LDLRAD4: variants seen among roughly 807,000 people sequenced by gnomAD.
LDLRAD4 encodes low density lipoprotein receptor class A domain containing 4.
A neutral mutation model predicts 17.0 loss-of-function variants in LDLRAD4; 5 were observed. The ratio of observed to expected loss-of-function variants is 0.29; its 90% confidence interval spans 0.15 to 0.62. The LOEUF (loss-of-function observed/expected upper bound fraction) is 0.62, where lower values mean the gene tolerates loss of function less well. Among genes scored for constraint, LDLRAD4 ranks in the 20% least tolerant of loss-of-function variants. The pLI is 0.84. For synonymous variants in LDLRAD4, 168 were observed against 171.8 expected (o/e 0.98, Z 0.17); for missense variants, 340 against 424.7 (o/e 0.80, Z 1.75).
intron 1 of LDLRAD4, among the ~76,000 whole-genome samples, chr18:13,247,953 C>CTG (rs1270593356): frequency 1.5e-5 from 1 of 67,714 alleles, no homozygotes; most frequent in Non-Finnish European, 3.2e-5. Flanking sequence ...ACAGCGCCGC[C>CTG]CCCCGCCTTT....
intron 3 of LDLRAD4, among the ~76,000 whole-genome samples, chr18:13,599,430 T>C (rs1405146571): frequency 2.0e-5 from 3 of 152,128 alleles, no homozygotes; most frequent in Non-Finnish European, 4.4e-5. Context: ...ATTATGGTTG[T>C]TTTCCTGGCA....
chr18:13,637,208 C>T (rs2042158099), intron 4 of LDLRAD4, among the ~76,000 whole-genome samples: 1 of 152,064 alleles, frequency 6.6e-6, no homozygotes, highest in African/African-American at 2.4e-5. Flanking sequence ...CAGATAATCT[C>T]TGCTGAGGTT....
chr18:13,428,261 A>T (rs1437064383), intron 2 of LDLRAD4, among the ~76,000 whole-genome samples: 3 of 152,156 alleles, frequency 2.0e-5, no homozygotes, highest in Admixed American at 6.5e-5. Context: ...GAGGGAGGCC[A>T]CGGCGATGGT....
intron 1 of LDLRAD4, among the ~76,000 whole-genome samples, chr18:13,288,599 C>A (rs1193969831): frequency 6.6e-6 from 1 of 152,234 alleles, no homozygotes; most frequent in Middle Eastern, 3.4e-3. Flanking sequence ...CAAGGTGAGT[C>A]ATGGGGCCAC....
At position 13,313,769 on chromosome 18, in the gene LDLRAD4, A is replaced by G. The variant is rs1342610186; in HGVS notation, c.-383+35581A>G. 2.6e-5 allele frequency among the ~76,000 whole-genome samples: 4 copies of G among 152,170 alleles called. No individual in the cohort carries two copies. In the East Asian group the frequency reaches 7.7e-4, roughly 29 times the overall value. The stretch of plus-strand genomic sequence containing the variant: ...GTGACGGTTTCTGCCTTTGTTCCCT[A>G]CACCTGCAAAACATGTACCTGTGCC... On this transcript the variant is annotated intron_variant, in intron 1 of 5. Transcript: ENST00000359446.
At chr18:13,345,373 C>A (rs1410633824) in intron 1 of LDLRAD4, among the ~76,000 whole-genome samples, 2 of 152,056 alleles carry the variant, frequency 1.3e-5, no homozygotes, top group East Asian at 1.9e-4. Context: ...TGTTTATATG[C>A]TGGATTACGT....
At chr18:13,392,937 T>G (rs1011829696) in intron 2 of LDLRAD4, among the ~76,000 whole-genome samples, 1 of 152,206 alleles carries the variant, frequency 6.6e-6, no homozygotes, top group African/African-American at 2.4e-5. Context: ...TTTGTGGATG[T>G]TGGTGACCAG....
At chr18:13,589,987 G>A (rs114457590) in intron 3 of LDLRAD4, among the ~76,000 whole-genome samples, 3,164 of 151,778 alleles carry the variant, frequency 0.021, 93 homozygotes, top group African/African-American at 0.071. Flanking sequence ...GTGTGGCTGC[G>A]TGTGTGGGGG....
chr18:13,466,973 T>C (rs1027668703), intron 3 of LDLRAD4, among the ~76,000 whole-genome samples: 1 of 152,198 alleles, frequency 6.6e-6, no homozygotes. Context: ...GGTAATTAGG[T>C]TTCAACATGT....
At chr18:13,285,729 C>T (rs2045584176) in intron 1 of LDLRAD4, among the ~76,000 whole-genome samples, 1 of 151,990 alleles carries the variant, frequency 6.6e-6, no homozygotes, top group Admixed American at 6.6e-5. Context: ...TCTTGAAACT[C>T]GGGGGTTGTG....
At chr18:13,273,696 T>C (rs1261008701), upstream of LDLRAD4, among the ~76,000 whole-genome samples, 1 of 152,062 alleles carries the variant, frequency 6.6e-6, no homozygotes, top group Non-Finnish European at 1.5e-5. Flanking sequence ...CTCTTCAACT[T>C]TTGCCCAAAC....
At chr18:13,630,106 C>T (rs1192116316) in intron 4 of LDLRAD4, among the ~76,000 whole-genome samples, 3 of 150,742 alleles carry the variant, frequency 2.0e-5, no homozygotes, top group South Asian at 2.1e-4. Context: ...GGGAGAGGCA[C>T]CTCATATTGC....
Position 13,265,868 on chromosome 18 carries a change from C to G in LDLRAD4, c.-466-12237C>G, listed in dbSNP as rs531106663. On this transcript the variant is annotated intron_variant, in intron 1 of 5. Coordinates refer to the LDLRAD4 transcript ENST00000399848. ...GGGGTCTTCCTCAGCCCCCTCCTCACTACTCCTGAGGTCTTTGCCCTCCCC... is the reference window on the plus strand; with the variant it reads ...GGGGTCTTCCTCAGCCCCCTCCTCAGTACTCCTGAGGTCTTTGCCCTCCCC... Among the ~76,000 whole-genome samples, 4 of 152,300 alleles carry G rather than the reference C, an allele frequency of 2.6e-5. No homozygotes were observed. The East Asian group carries it at 7.7e-4, about 29-fold the overall frequency.
chr18:13,366,305 T>C (rs2084051574), intron 1 of LDLRAD4: 1 of 150,550 alleles, frequency 6.6e-6, no homozygotes, highest in Non-Finnish European at 1.5e-5. Flanking sequence ...AATTATGTGT[T>C]GATCTCACAA....
At chr18:13,525,314 C>G (rs968273904) in intron 3 of LDLRAD4, among the ~76,000 whole-genome samples, 13 of 152,260 alleles carry the variant, frequency 8.5e-5, no homozygotes, top group African/African-American at 2.6e-4. Flanking sequence ...AGAGCATAGA[C>G]CAGCACCTGG....
chr18:13,346,762 T>C (rs1427244075), intron 1 of LDLRAD4, among the ~76,000 whole-genome samples: 1 of 152,224 alleles, frequency 6.6e-6, no homozygotes, highest in Non-Finnish European at 1.5e-5. Context: ...TGGGTGCTCC[T>C]GTATTGGGTG....
intron 3 of LDLRAD4, among the ~76,000 whole-genome samples, chr18:13,478,325 A>C (rs1172496555): frequency 2.6e-5 from 4 of 152,152 alleles, no homozygotes; most frequent in Non-Finnish European, 5.9e-5. Flanking sequence ...GCTGCCCTAG[A>C]AGGTCAGGAT....
intron 3 of LDLRAD4, among the ~76,000 whole-genome samples, chr18:13,564,038 T>C (rs1253610415): frequency 6.6e-6 from 1 of 152,188 alleles, no homozygotes; most frequent in Non-Finnish European, 1.5e-5. Flanking sequence ...CCCAAAGAGC[T>C]GGGACCACAG....
chr18:13,588,665 G>C (rs1035087296), intron 3 of LDLRAD4, among the ~76,000 whole-genome samples: 2 of 151,868 alleles, frequency 1.3e-5, no homozygotes, highest in African/African-American at 4.8e-5. Context: ...GTTTTTGTAC[G>C]CAGCTTCCAT....
Sources: gnomAD v4.1 joint callset for allele counts (sites outside exome capture counted in the v4.1 genomes callset) on GRCh38, gnomAD v4.1.1 for gene constraint, MANE v1.5 for transcripts, NCBI Gene and HGNC (gene_info 2026-07-23, HGNC 2026-07-21) for gene names.